TENM2: variants seen among roughly 807,000 people sequenced by gnomAD.
TENM2 encodes teneurin-2.
Under a neutral mutation model 245.2 loss-of-function variants are expected in TENM2, and 52 were observed. That is an observed-to-expected ratio of 0.21 (90% CI 0.17 to 0.27). The LOEUF is 0.27. Ranked by LOEUF, TENM2 falls within the 10% of genes least tolerant of loss-of-function variation. TENM2 has a pLI of 1.00. For missense variants in TENM2, 3,046 were observed against 3,666.8 expected (o/e 0.83, Z 4.37); for synonymous variants, 1,363 against 1,438.9 (o/e 0.95, Z 1.19).
chr5:167,964,314 G>C (rs1008160249), intron 4 of TENM2, among the ~76,000 whole-genome samples: 1 of 152,094 alleles, frequency 6.6e-6, no homozygotes, highest in African/African-American at 2.4e-5. Flanking sequence ...TCTCTCTTTG[G>C]ATCTGTCTGA....
At chr5:167,457,029 G>A (rs1192066350) in intron 2 of TENM2, among the ~76,000 whole-genome samples, 2 of 152,082 alleles carry the variant, frequency 1.3e-5, no homozygotes, top group Non-Finnish European at 2.9e-5. Context: ...TCTTCTCACC[G>A]GCCTTTCTTA....
intron 3 of TENM2, among the ~76,000 whole-genome samples, chr5:167,879,785 T>C (rs1583266773): frequency 6.6e-6 from 1 of 152,104 alleles, no homozygotes; most frequent in Non-Finnish European, 1.5e-5. Flanking sequence ...TGGTAGATCT[T>C]ATGTGGCAAA....
intron 2 of TENM2, among the ~76,000 whole-genome samples, chr5:167,413,235 A>C (rs1190699651): frequency 6.6e-6 from 1 of 152,106 alleles, no homozygotes; most frequent in Non-Finnish European, 1.5e-5. Context: ...ACAGTGTTAC[A>C]AGTTAGTTCA....
the TENM2 span, among the ~76,000 whole-genome samples, chr5:167,099,683 G>A: frequency 2.0e-5 from 3 of 152,156 alleles, no homozygotes; most frequent in East Asian, 1.9e-4. Context: ...CAACAAGAGC[G>A]AAACACCGTC....
At chr5:167,101,851 A>ATT in the TENM2 span, among the ~76,000 whole-genome samples, 3 of 107,830 alleles carry the variant, frequency 2.8e-5, no homozygotes, top group Admixed American at 2.0e-4. Flanking sequence ...ATATATATTT[A>ATT]TATATATATA....
At position 167,454,689 on chromosome 5, in the gene TENM2, A is replaced by G. The variant is rs150259931; in HGVS notation, c.502+79216A>G. 5.8e-4 allele frequency among the ~76,000 whole-genome samples: 88 copies of G among 152,076 alleles called. 1 individual carries two copies. Among genetic ancestry groups the G allele is most frequent in the Non-Finnish European group, 9.7e-4 (66 of 67,994 alleles). Reference sequence around the variant, plus strand: ...AACCGTTGGTTCTATTTTCCTCTATATTACCTTTTCTTCCAGGTTGACCTT... The same window carrying G: ...AACCGTTGGTTCTATTTTCCTCTATGTTACCTTTTCTTCCAGGTTGACCTT... On this transcript the variant is annotated intron_variant, in intron 2 of 28. Coordinates refer to ENST00000518659, the Ensembl canonical transcript of TENM2.
At chr5:168,078,183 G>C (rs1791651531) in intron 7 of TENM2, among the ~76,000 whole-genome samples, 1 of 152,208 alleles carries the variant, frequency 6.6e-6, no homozygotes, top group South Asian at 2.1e-4. Context: ...GGCCAGTGAT[G>C]ATGAGCATTT....
At chr5:167,278,399 A>C in the TENM2 span, among the ~76,000 whole-genome samples, 2 of 152,146 alleles carry the variant, frequency 1.3e-5, no homozygotes, top group Non-Finnish European at 2.9e-5. Context: ...TAATCAATAT[A>C]TTAAGACCAT....
At chr5:167,312,099 G>A (rs1481909590) in intron 1 of TENM2, among the ~76,000 whole-genome samples, 2 of 152,092 alleles carry the variant, frequency 1.3e-5, no homozygotes, top group African/African-American at 4.8e-5. Context: ...TTGACCATAT[G>A]CATATATTGT....
chr5:168,088,996 T>G (rs1792698592), intron 7 of TENM2, among the ~76,000 whole-genome samples: 1 of 152,188 alleles, frequency 6.6e-6, no homozygotes, highest in Non-Finnish European at 1.5e-5. Flanking sequence ...GTGGTTTTCA[T>G]CGGCTAAAAC....
At chr5:168,044,372 G>A (rs1007132544) in intron 5 of TENM2, among the ~76,000 whole-genome samples, 16 of 152,164 alleles carry the variant, frequency 1.1e-4, no homozygotes, top group African/African-American at 2.9e-4. Context: ...CCTAGATAGC[G>A]CCACTGCACT....
chr5:168,111,660 C>T (rs1156341650), intron 9 of TENM2, among the ~76,000 whole-genome samples: 2 of 152,134 alleles, frequency 1.3e-5, no homozygotes, highest in African/African-American at 4.8e-5. Context: ...AGCCAGGGAG[C>T]TGTCCACAGA....
At chr5:167,769,196 T>C (rs13165873) in intron 2 of TENM2, among the ~76,000 whole-genome samples, 1 of 152,260 alleles carries the variant, frequency 6.6e-6, no homozygotes, top group Non-Finnish European at 1.5e-5. Context: ...GTGATGACTA[T>C]GGTGCTTTGC....
the TENM2 span, among the ~76,000 whole-genome samples, chr5:167,064,817 T>C: frequency 6.6e-6 from 1 of 152,240 alleles, no homozygotes; most frequent in Non-Finnish European, 1.5e-5. Flanking sequence ...CAAAAAATTA[T>C]CATGACATAC....
At chr5:167,533,505 C>T (rs562616677) in intron 2 of TENM2, among the ~76,000 whole-genome samples, 17 of 152,088 alleles carry the variant, frequency 1.1e-4, no homozygotes, top group African/African-American at 1.9e-4. Flanking sequence ...GCACATGGAG[C>T]GCCATGGTGC....
chr5:167,817,052 ATT>A (rs1175555801), intron 2 of TENM2, among the ~76,000 whole-genome samples: 2 of 152,200 alleles, frequency 1.3e-5, no homozygotes, highest in African/African-American at 4.8e-5. Context: ...AGGACTCGTA[ATT>A]CATGTTCCAA....
intron 3 of TENM2, among the ~76,000 whole-genome samples, chr5:167,895,216 C>G (rs577026868): frequency 6.6e-6 from 1 of 151,864 alleles, no homozygotes; most frequent in Admixed American, 6.6e-5. Context: ...CCTCCTCTTC[C>G]TCTCCCCCTC....
intron 3 of TENM2, among the ~76,000 whole-genome samples, chr5:167,893,378 C>T (rs932999931): frequency 3.9e-5 from 6 of 152,184 alleles, no homozygotes; most frequent in Non-Finnish European, 8.8e-5. Flanking sequence ...CAGACTTTAA[C>T]TTCCTATATT....
At chr5:168,173,439 T>G (rs138707762) in intron 13 of TENM2, among the ~76,000 whole-genome samples, 8 of 152,252 alleles carry the variant, frequency 5.3e-5, no homozygotes, top group Admixed American at 3.3e-4. Flanking sequence ...GGGACCTAGA[T>G]TAGAATGAGT....
Sources: gnomAD v4.1 joint callset for allele counts (sites outside exome capture counted in the v4.1 genomes callset) on GRCh38, gnomAD v4.1.1 for gene constraint, MANE v1.5 for transcripts, NCBI Gene and HGNC (gene_info 2026-07-23, HGNC 2026-07-21) for gene names.